The following SLC19A1 variants were observed in gnomAD, a reference collection of about 807,000 sequenced individuals.
The protein encoded by SLC19A1 is solute carrier family 19 member 1.
In SLC19A1, 37 loss-of-function variants were observed where a neutral mutation model predicts 35.3. The ratio of observed to expected loss-of-function variants is 1.05; its 90% confidence interval spans 0.81 to 1.38. SLC19A1 has a LOEUF of 1.38. Among genes scored for constraint, SLC19A1 ranks in the 40% most tolerant of loss-of-function variants. The pLI is 0.00. For missense variants in SLC19A1, 831 were observed against 826.9 expected (o/e 1.00, Z -0.06); for synonymous variants, 460 against 398.5 (o/e 1.15, Z -1.84).
rs145226289 is a variant in SLC19A1, at chr21:45,515,848, G to A, written c.1586C>T (p.Pro529Leu). Residue 529 changes from proline to leucine, a missense_variant, in exon 6 of 6, where the codon CCG (proline) becomes CTG (leucine). By Grantham distance (98) the Pro-to-Leu change is moderately conservative. Transcript: ENST00000311124. ...RQSDPYLAQA[P>L]APQAAEFLSP... is the part of the protein sequence containing the mutation. ...CAGGAATTCAGCTGCCTGCGGGGCC[G>A]GGGCCTGGGCCAGGTATGGGTCGCT... The A allele has an allele frequency of 1.4e-5, 23 of 1,597,956 alleles. No individual in the cohort carries two copies. The highest frequency in any genetic ancestry group is 1.3e-4 in the East Asian group (6 of 44,596).
At chr21:45,519,497 A>C (rs2077373023) in intron 5 of SLC19A1, among the ~76,000 whole-genome samples, 1 of 144,854 alleles carries the variant, frequency 6.9e-6, no homozygotes, top group South Asian at 2.4e-4. Context: ...ATGGAAAAAG[A>C]TGTATCATGT....
At chr21:45,546,089 G>A (rs1040727352), upstream of SLC19A1, among the ~76,000 whole-genome samples, 19 of 152,238 alleles carry the variant, frequency 1.2e-4, no homozygotes, top group Admixed American at 1.2e-3. Context: ...GGACTGACAT[G>A]GATGCCCCTG....
In SLC19A1 at chr21:45,530,835, G is replaced by A; in HGVS notation, c.1086C>T (p.Ile362=). 1.3e-6 allele frequency: 2 copies of A among 1,533,088 alleles called. No individual in the cohort carries two copies. Among genetic ancestry groups the A allele is most frequent in the Non-Finnish European group, 1.8e-6 (2 of 1,140,340 alleles). The allele number at this position is 1,533,088 out of a possible 1,614,324, so 95.0% of individuals were successfully genotyped here. A position where few individuals can be genotyped will look rare whatever the true frequency, so the allele number is the denominator to read the frequency against. ...GCACGAAGGCCGCATAGCACAGCCAGATGCTGCTCGGGTGGCGCGTGTGCG... is the reference window on the plus strand; with the variant it reads ...GCACGAAGGCCGCATAGCACAGCCAAATGCTGCTCGGGTGGCGCGTGTGCG... The part of the protein sequence containing the change: ...LLAHTRHPSS[I]WLCYAAFVLF... The change falls in exon 4 of 6, where the codon ATC becomes ATT. Residue 362 remains isoleucine, a synonymous_variant. Transcript: ENST00000311124. The surrounding 1 kb of genome is among the most constrained non-coding windows in gnomAD (Gnocchi z 5.3).
downstream of SLC19A1, among the ~76,000 whole-genome samples, chr21:45,508,399 G>A (rs1412166441): frequency 6.7e-6 from 1 of 150,366 alleles, no homozygotes. Context: ...ATGGATGGTG[G>A]ATAGGTAGAT....
chr21:45,540,603 T>C lies in SLC19A1; in HGVS notation c.-50+1765A>G, dbSNP rs2078273657. Among the ~76,000 whole-genome samples, 1 of 152,148 alleles carries C rather than the reference T, an allele frequency of 6.6e-6. No individual in the cohort carries two copies. Among genetic ancestry groups the C allele is most frequent in the African/African-American group, 2.4e-5 (1 of 41,432 alleles). ...TAGCCCACTGACAGAGGCTTGGCCA[T>C]CACGGCCCAGACCACCTCCAAGAGG... On this transcript the variant is annotated intron_variant, in intron 1 of 5. Transcript: ENST00000311124. The surrounding 1 kb of genome is among the most constrained non-coding windows in gnomAD (Gnocchi z 5.5).
chr21:45,504,747 A>G (rs1275559250), intron 3 of SLC19A1, among the ~76,000 whole-genome samples: 1 of 151,820 alleles, frequency 6.6e-6, no homozygotes, highest in African/African-American at 2.4e-5. Context: ...CTGACCCCGG[A>G]CACCCCCCGT....
chr21:45,510,117 C>G (rs370643343), downstream of SLC19A1: 2 of 1,597,196 alleles, frequency 1.3e-6, no homozygotes, highest in Non-Finnish European at 1.7e-6. Context: ...GGGGCATCCG[C>G]GGGGCCGACT....
intron 1 of SLC19A1, among the ~76,000 whole-genome samples, chr21:45,555,392 G>A (rs1156701032): frequency 9.6e-5 from 8 of 83,598 alleles, no homozygotes; most frequent in Non-Finnish European, 2.0e-4. Context: ...GGGACAGTAT[G>A]GGAGGCAGGG....
chr21:45,510,078 G>A (rs374326288), downstream of SLC19A1: 1,250 of 1,576,468 alleles, frequency 7.9e-4, 1 homozygote, highest in Middle Eastern at 1.0e-3. Flanking sequence ...ACCTGGTTGC[G>A]CTCAACAGCC....
At chr21:45,560,269 C>A (rs960348483) in intron 1 of SLC19A1, among the ~76,000 whole-genome samples, 35 of 152,242 alleles carry the variant, frequency 2.3e-4, no homozygotes, top group African/African-American at 8.2e-4. Flanking sequence ...GACGTGCCCA[C>A]GGCTCAATGA....
chr21:45,528,878 C>T (rs971197425), intron 4 of SLC19A1, among the ~76,000 whole-genome samples: 3 of 152,214 alleles, frequency 2.0e-5, no homozygotes, highest in East Asian at 3.9e-4. Context: ...TGGGATTCCC[C>T]GTAGCAAACA....
At chr21:45,542,703 C>G (rs1035064130), upstream of SLC19A1, among the ~76,000 whole-genome samples, 1 of 151,080 alleles carries the variant, frequency 6.6e-6, no homozygotes, top group African/African-American at 2.4e-5. Context: ...GGCCCCCACC[C>G]CCGCCGGCGT....
chr21:45,543,332 G>A (rs2078368236), upstream of SLC19A1, among the ~76,000 whole-genome samples: 1 of 152,232 alleles, frequency 6.6e-6, no homozygotes, highest in African/African-American at 2.4e-5. Flanking sequence ...GGGGAGGGAA[G>A]CCAAGCCGAG....
Position 45,523,564 on chromosome 21 carries a change from T to A in SLC19A1, c.1293+2253A>T, listed in dbSNP as rs1189368265. On this transcript the variant is annotated intron_variant, in intron 5 of 5. Transcript: ENST00000311124. ...GCCCTTAGAAGCCCACCGTGAGGGG[T>A]CCCCTCCACAGGGCAGCTACAGGGG... Among the ~76,000 whole-genome samples the A allele has an allele frequency of 2.6e-5, 4 of 151,666 alleles. No individual in the cohort carries two copies. The East Asian group carries it at 7.7e-4, about 29-fold the overall frequency.
Position 45,516,023 on chromosome 21 carries a change from C to T in SLC19A1, c.1411G>A (p.Gly471Ser). 1 of 1,578,344 alleles carries T rather than the reference C, an allele frequency of 6.3e-7. No individual in the cohort carries two copies. Among genetic ancestry groups the T allele is most frequent in the Non-Finnish European group, 8.6e-7 (1 of 1,163,308 alleles). ...GHHPRQPPAQ[G>S]LRSAAEEKAA... ...TTCTCCTCCGCGGCACTCCTCAGGCCCTGGGCCGGGGGCTGCCGCGGGTGG... is the reference window on the plus strand; with the variant it reads ...TTCTCCTCCGCGGCACTCCTCAGGCTCTGGGCCGGGGGCTGCCGCGGGTGG... Residue 471 changes from glycine (G) to serine (S), a missense_variant, in exon 6 of 6, where the codon GGC becomes AGC. Gly to Ser is a moderately conservative substitution (Grantham distance 56). Transcript: ENST00000311124.
At chr21:45,531,339 G>A in intron 3 of SLC19A1, 50 bp downstream of exon 3, 1 of 1,535,030 alleles carries the variant, frequency 6.5e-7, no homozygotes, top group Non-Finnish European at 8.8e-7. Context: ...AGGCGGAGGT[G>A]GACGGGAAGC....
chr21:45,561,687 G>C (rs977564109), intron 1 of SLC19A1, among the ~76,000 whole-genome samples: 1 of 152,118 alleles, frequency 6.6e-6, no homozygotes, highest in Non-Finnish European at 1.5e-5. Flanking sequence ...CTTGAACCCA[G>C]GAGGCGGAGG....
At chr21:45,525,993 G>C (rs186709754) in intron 4 of SLC19A1, 35 bp from the exon 5 acceptor site, 1 of 1,604,278 alleles carries the variant, frequency 6.2e-7, no homozygotes, top group South Asian at 1.1e-5. Context: ...AGGCGCTGCT[G>C]GGAGAATAAG....
upstream of SLC19A1, among the ~76,000 whole-genome samples, chr21:45,544,733 G>T (rs1020933529): frequency 6.6e-6 from 1 of 152,102 alleles, no homozygotes; most frequent in African/African-American, 2.4e-5. Context: ...GGGGCTGCAG[G>T]CCGCAGAGAC....
Sources: gnomAD v4.1 joint callset for allele counts (sites outside exome capture counted in the v4.1 genomes callset) on GRCh38, gnomAD v4.1.1 for gene constraint, Gnocchi (gnomAD v3.1) non-coding constraint, MANE v1.5 for transcripts, NCBI Gene and HGNC (gene_info 2026-07-23, HGNC 2026-07-21) for gene names.